TENM3: variants seen among roughly 807,000 people sequenced by gnomAD.
TENM3 encodes teneurin-3.
A neutral mutation model predicts 255.1 loss-of-function variants in TENM3; 63 were observed. The observed-to-expected ratio is 0.25, with a 90% CI of 0.20 to 0.30. The LOEUF is 0.30. TENM3 is among the 10% of genes least tolerant of loss of function. The pLI, the probability that TENM3 is intolerant of heterozygous loss-of-function variation, is 1.00. For missense variants in TENM3, 2,929 were observed against 3,461.1 expected (o/e 0.85, Z 3.86); for synonymous variants, 1,306 against 1,322.3 (o/e 0.99, Z 0.27).
the TENM3 span, among the ~76,000 whole-genome samples, chr4:182,015,202 T>TGCGA: frequency 6.6e-6 from 1 of 152,186 alleles, no homozygotes; most frequent in Admixed American, 6.5e-5. Context: ...GGTACTCCTG[T>TGCGA]GCGAGCTCAG....
chr4:181,692,731 A>G, the TENM3 span, among the ~76,000 whole-genome samples: 4 of 152,154 alleles, frequency 2.6e-5, no homozygotes, highest in African/African-American at 9.7e-5. Flanking sequence ...GTAGGCATGG[A>G]GGTACAGGAT....
chr4:182,168,153 G>A (rs561459746), intron 1 of TENM3, among the ~76,000 whole-genome samples: 73 of 143,480 alleles, frequency 5.1e-4, no homozygotes, highest in African/African-American at 1.8e-3. Context: ...TTTTTTTTTC[G>A]AGACAGGGTC....
At chr4:182,203,520 G>T (rs1754341814) in intron 1 of TENM3, among the ~76,000 whole-genome samples, 1 of 152,192 alleles carries the variant, frequency 6.6e-6, no homozygotes, top group Admixed American at 6.5e-5. Flanking sequence ...AAATGACAAA[G>T]GCAGTTGGGA....
At position 182,516,638 on chromosome 4, in the gene TENM3, C is replaced by T. The variant is rs534258945; in HGVS notation, c.512-84286C>T. On this transcript the variant is annotated intron_variant, in intron 3 of 27. Transcript: ENST00000511685. Reference sequence around the variant, plus strand: ...AGGCGTAATGGCTCATGCCTGTAATCCCAGCACTTTGGGAGGCTGAGGCGA... The same window carrying T: ...AGGCGTAATGGCTCATGCCTGTAATTCCAGCACTTTGGGAGGCTGAGGCGA... Among the ~76,000 whole-genome samples, 3 of 152,238 alleles carry T rather than the reference C, an allele frequency of 2.0e-5. No homozygotes were observed. In the South Asian group the frequency reaches 6.2e-4, roughly 32 times the overall value.
In TENM3 at chr4:182,798,580, C is replaced by T. The variant is rs891624560; in HGVS notation, c.7345-1016C>T. ...GTTAAGCAGTGCATGACTGTCTACA[C>T]TGATACAGTGGCATGAAGACATACC... On this transcript the variant is annotated intron_variant, in intron 27 of 27. Coordinates refer to ENST00000511685, the MANE Select transcript of TENM3 (RefSeq NM_001080477.4). Among the ~76,000 whole-genome samples, 8 of 152,362 alleles carry T rather than the reference C, an allele frequency of 5.3e-5. No individual in the cohort carries two copies. In the East Asian group the frequency reaches 7.7e-4, roughly 15 times the overall value.
At chr4:182,635,451 A>G (rs1751761710) in intron 5 of TENM3, among the ~76,000 whole-genome samples, 3 of 152,162 alleles carry the variant, frequency 2.0e-5, no homozygotes, top group Admixed American at 2.0e-4. Context: ...CCCAGTCAAT[A>G]CCCAATAGTT....
chr4:182,783,844 G>A (rs1005431159), intron 24 of TENM3, among the ~76,000 whole-genome samples: 5 of 151,834 alleles, frequency 3.3e-5, no homozygotes, highest in South Asian at 4.2e-4. Context: ...CCAGTTGATC[G>A]CATCGGCTCC....
At chr4:182,588,984 A>G (rs1286188751) in intron 3 of TENM3, among the ~76,000 whole-genome samples, 3 of 152,226 alleles carry the variant, frequency 2.0e-5, no homozygotes, top group Non-Finnish European at 4.4e-5. Context: ...TGCTTTTTAA[A>G]TAGAAGATAA....
the TENM3 span, among the ~76,000 whole-genome samples, chr4:181,849,627 C>G: frequency 1.3e-5 from 2 of 152,068 alleles, no homozygotes; most frequent in Admixed American, 6.5e-5. Context: ...AAAGTCAAAG[C>G]AAAAGCAAGC....
chr4:182,075,355 C>T, the TENM3 span, among the ~76,000 whole-genome samples: 4 of 152,094 alleles, frequency 2.6e-5, no homozygotes, highest in South Asian at 2.1e-4. Flanking sequence ...CATGTCACCA[C>T]ACCCTGCTAA....
chr4:182,695,874 A>G (rs755477987), intron 12 of TENM3, among the ~76,000 whole-genome samples: 1 of 152,214 alleles, frequency 6.6e-6, no homozygotes, highest in Non-Finnish European at 1.5e-5. Flanking sequence ...TTTTAGATGA[A>G]TATTTCTCCT....
chr4:181,820,034 GT>G, the TENM3 span: 2 of 152,032 alleles, frequency 1.3e-5, no homozygotes, highest in African/African-American at 4.8e-5. Flanking sequence ...AATAAATTAG[GT>G]TTATATAAAG....
At chr4:182,264,993 C>A (rs1349359004) in intron 1 of TENM3, among the ~76,000 whole-genome samples, 1 of 151,056 alleles carries the variant, frequency 6.6e-6, no homozygotes, top group African/African-American at 2.4e-5. Flanking sequence ...ACTCTTAATG[C>A]ACACGAGAGG....
chr4:182,747,311 T>C (rs1344726383), intron 19 of TENM3, among the ~76,000 whole-genome samples: 2 of 152,164 alleles, frequency 1.3e-5, no homozygotes, highest in African/African-American at 4.8e-5. Context: ...TAAAAACACA[T>C]TGTCTTATTT....
At chr4:182,132,551 AG>A in the TENM3 span, among the ~76,000 whole-genome samples, 1 of 152,236 alleles carries the variant, frequency 6.6e-6, no homozygotes, top group Non-Finnish European at 1.5e-5. Flanking sequence ...TATAAAACAA[AG>A]GAAGATGAGT....
chr4:182,475,754 C>T (rs931259136), intron 3 of TENM3, among the ~76,000 whole-genome samples: 1 of 152,182 alleles, frequency 6.6e-6, no homozygotes, highest in Non-Finnish European at 1.5e-5. Flanking sequence ...AGACATTTTA[C>T]CTTTCTGTAG....
intron 4 of TENM3, among the ~76,000 whole-genome samples, chr4:182,604,289 T>C (rs1345339329): frequency 2.0e-5 from 3 of 152,238 alleles, no homozygotes; most frequent in Non-Finnish European, 2.9e-5. Flanking sequence ...GATCCAAAAA[T>C]GCCTTTGCAG....
chr4:181,905,933 C>T, the TENM3 span: 3 of 571,708 alleles, frequency 5.2e-6, no homozygotes, highest in Non-Finnish European at 9.9e-6. Context: ...ATTGCTCCAA[C>T]TTCGGTTTCA....
chr4:182,558,066 A>G (rs945930586), intron 3 of TENM3, among the ~76,000 whole-genome samples: 9 of 152,088 alleles, frequency 5.9e-5, no homozygotes, highest in African/African-American at 2.2e-4. Flanking sequence ...CCTTGAATGC[A>G]TGAAGGAAGG....
Sources: allele counts gnomAD v4.1 joint callset (sites outside exome capture counted in the v4.1 genomes callset), GRCh38; gene constraint gnomAD v4.1.1; transcripts MANE v1.5; gene names NCBI Gene and HGNC (gene_info 2026-07-23, HGNC 2026-07-21).